Variants in KCNIP4 observed in about 807,000 individuals in gnomAD.
KCNIP4 encodes potassium voltage-gated channel interacting protein 4.
Under a neutral mutation model 34.0 loss-of-function variants are expected in KCNIP4, and 12 were observed. The observed-to-expected ratio is 0.35, with a 90% CI of 0.23 to 0.57. The LOEUF (loss-of-function observed/expected upper bound fraction) is 0.57, where lower values mean the gene tolerates loss of function less well. Ranked by LOEUF, KCNIP4 falls within the 20% of genes least tolerant of loss-of-function variation. KCNIP4 has a pLI of 0.83. For synonymous variants in KCNIP4, 124 were observed against 102.2 expected, an observed-to-expected ratio of 1.21 and a Z score of -1.29; for missense variants, 238 against 311.7, an observed-to-expected ratio of 0.76 and a Z score of 1.78.
Position 21,327,204 on chromosome 4 carries a change from G to T in KCNIP4, c.62-444495C>A, listed in dbSNP as rs192000877. ...TAACATACTTTTCTTTCAGATTGAA[G>T]AACTCCCTTTAGCCTTTCTTATAGG... is the stretch of plus-strand genomic sequence containing the variant. On this transcript the variant is annotated intron_variant, in intron 1 of 8. Coordinates refer to ENST00000382152, the MANE Select transcript of KCNIP4 (RefSeq NM_025221.6). 1.7e-3 allele frequency among the ~76,000 whole-genome samples: 262 copies of T among 152,140 alleles called. 2 individuals carry two copies. The highest frequency in any genetic ancestry group is 2.4e-3 in the Non-Finnish European group (163 of 67,936).
At chr4:20,811,993 A>G (rs1715828912) in intron 3 of KCNIP4, among the ~76,000 whole-genome samples, 1 of 152,192 alleles carries the variant, frequency 6.6e-6, no homozygotes, top group Non-Finnish European at 1.5e-5. Context: ...ACTAAATTAA[A>G]TGACAGTTTG....
At chr4:21,926,553 G>C (rs1205355839) in intron 1 of KCNIP4, among the ~76,000 whole-genome samples, 5 of 152,080 alleles carry the variant, frequency 3.3e-5, no homozygotes, top group Admixed American at 6.6e-5. Context: ...TCCAGGATAG[G>C]CACTTTACAG....
intron 1 of KCNIP4, among the ~76,000 whole-genome samples, chr4:20,975,944 T>A: frequency 6.6e-6 from 1 of 152,188 alleles, no homozygotes. Context: ...GCCACACCTA[T>A]CTGTTTGCAT....
chr4:21,603,689 T>A (rs1281392046), intron 1 of KCNIP4, among the ~76,000 whole-genome samples: 1 of 150,948 alleles, frequency 6.6e-6, no homozygotes, highest in African/African-American at 2.4e-5. Flanking sequence ...TAAAAGTAAG[T>A]AGCAATGATA....
intron 1 of KCNIP4, among the ~76,000 whole-genome samples, chr4:20,960,188 C>A (rs568338071): frequency 6.6e-6 from 1 of 152,050 alleles, no homozygotes; most frequent in Non-Finnish European, 1.5e-5. Flanking sequence ...GTTTGAATGC[C>A]CCCTTGTCCC....
chr4:21,218,492 G>A (rs572713729), intron 1 of KCNIP4, among the ~76,000 whole-genome samples: 38 of 152,092 alleles, frequency 2.5e-4, no homozygotes, highest in African/African-American at 8.2e-4. Context: ...ATATTAGAGG[G>A]CATTCAATGC....
At chr4:20,923,698 A>G (rs192879492) in intron 1 of KCNIP4, among the ~76,000 whole-genome samples, 9 of 152,298 alleles carry the variant, frequency 5.9e-5, no homozygotes, top group Middle Eastern at 3.4e-3. Context: ...CTACAAAACA[A>G]TAAGTTCAGA....
intron 1 of KCNIP4, among the ~76,000 whole-genome samples, chr4:21,381,452 C>T (rs1285910789): frequency 2.6e-5 from 4 of 152,016 alleles, no homozygotes; most frequent in Non-Finnish European, 4.4e-5. Flanking sequence ...TTTAAAAATA[C>T]TTGGCATTCT....
intron 1 of KCNIP4, among the ~76,000 whole-genome samples, chr4:21,454,997 A>C (rs532027470): frequency 2.0e-5 from 3 of 152,108 alleles, no homozygotes; most frequent in Admixed American, 6.6e-5. Flanking sequence ...TGAGAGTACC[A>C]AGTTCTGGAG....
At chr4:21,868,310 G>T (rs1268178684) in intron 1 of KCNIP4, among the ~76,000 whole-genome samples, 1 of 151,986 alleles carries the variant, frequency 6.6e-6, no homozygotes, top group Non-Finnish European at 1.5e-5. Flanking sequence ...TTTATCAAGG[G>T]GATGTACACA....
At chr4:21,882,535 G>C (rs1459810233) in intron 1 of KCNIP4, among the ~76,000 whole-genome samples, 1 of 152,122 alleles carries the variant, frequency 6.6e-6, no homozygotes, top group Non-Finnish European at 1.5e-5. Context: ...AGAATTTCTG[G>C]AGTTGGGACA....
chr4:21,903,514 G>T (rs1479664080), intron 1 of KCNIP4, among the ~76,000 whole-genome samples: 2 of 152,074 alleles, frequency 1.3e-5, no homozygotes, highest in Non-Finnish European at 2.9e-5. Flanking sequence ...AACAGAAATG[G>T]CTATTTTAAA....
At chr4:20,735,776 C>T (rs912871184) in intron 5 of KCNIP4, among the ~76,000 whole-genome samples, 1 of 152,046 alleles carries the variant, frequency 6.6e-6, no homozygotes, top group Non-Finnish European at 1.5e-5. Flanking sequence ...ACCTTGTGAT[C>T]TGCCCACCGC....
chr4:21,894,061 G>A (rs1267634924), intron 1 of KCNIP4, among the ~76,000 whole-genome samples: 2 of 152,002 alleles, frequency 1.3e-5, no homozygotes, highest in Admixed American at 1.3e-4. Flanking sequence ...GCCAGGCAGG[G>A]TGGCTCAAGC....
At chr4:21,733,434 T>TAC (rs1403957385) in intron 1 of KCNIP4, among the ~76,000 whole-genome samples, 5 of 152,144 alleles carry the variant, frequency 3.3e-5, no homozygotes, top group Non-Finnish European at 7.4e-5. Context: ...TGTATACAGA[T>TAC]ACACACACAC....
chr4:21,485,338 G>T (rs1731809160), intron 1 of KCNIP4, among the ~76,000 whole-genome samples: 1 of 152,174 alleles, frequency 6.6e-6, no homozygotes, highest in African/African-American at 2.4e-5. Flanking sequence ...TTCTTAACAT[G>T]TCCTAGAATG....
At chr4:21,873,283 TA>T (rs1284813628) in intron 1 of KCNIP4, among the ~76,000 whole-genome samples, 2 of 152,188 alleles carry the variant, frequency 1.3e-5, no homozygotes, top group Non-Finnish European at 2.9e-5. Flanking sequence ...GGAGTGTTAC[TA>T]AACCTAAATG....
intron 3 of KCNIP4, among the ~76,000 whole-genome samples, chr4:20,764,495 G>T (rs759145509): frequency 5.3e-5 from 8 of 151,932 alleles, no homozygotes; most frequent in Non-Finnish European, 8.8e-5. Flanking sequence ...TGCACTTGTG[G>T]TTTCTTCTTT....
intron 1 of KCNIP4, among the ~76,000 whole-genome samples, chr4:21,599,399 G>A (rs897002532): frequency 4.0e-5 from 6 of 151,628 alleles, no homozygotes; most frequent in Non-Finnish European, 7.4e-5. Context: ...TTTCCTTAAA[G>A]AAATTAATTT....
Sources: gnomAD v4.1 joint callset for allele counts (sites outside exome capture counted in the v4.1 genomes callset) on GRCh38, gnomAD v4.1.1 for gene constraint, MANE v1.5 for transcripts, NCBI Gene and HGNC (gene_info 2026-07-23, HGNC 2026-07-21) for gene names.